Variants in MAP7 observed in about 807,000 individuals in gnomAD.
MAP7 encodes the protein microtubule associated protein 7, also known as ensconsin.
A neutral mutation model predicts 94.8 loss-of-function variants in MAP7; 52 were observed. The observed-to-expected ratio is 0.55, with a 90% confidence interval of 0.44 to 0.69. The LOEUF is 0.69. Ranked by LOEUF, MAP7 falls within the 30% of genes least tolerant of loss-of-function variation. MAP7 has a pLI of 0.00. For synonymous variants in MAP7, 350 were observed against 357.0 expected (o/e 0.98, Z 0.22); for missense variants, 940 against 964.6 (o/e 0.97, Z 0.34).
rs1793123691 is a variant in MAP7, at chr6:136,362,527, T to G, written c.1449A>C (p.Leu483=). ...TTDPEEATRL[L]AEKRRLAREQ... ...CTCGGGCCAGCCGCCTCTTCTCAGC[T>G]AGAAGCCTTGTGGCCTCCTCTGGGT... The change falls in exon 11 of 18, where the codon CTA becomes CTC. Residue 483 remains leucine, a synonymous_variant. Coordinates refer to ENST00000354570, the MANE Select transcript of MAP7 (RefSeq NM_003980.6). 4.3e-6 allele frequency: 7 copies of G among 1,614,208 alleles called. No individual in the cohort carries two copies. In the East Asian group the frequency reaches 1.6e-4, roughly 36 times the overall value.
intron 1 of MAP7, among the ~76,000 whole-genome samples, chr6:136,532,065 T>C (rs2129056545): frequency 6.6e-6 from 1 of 152,030 alleles, no homozygotes; most frequent in Non-Finnish European, 1.5e-5. Flanking sequence ...GAACATATCT[T>C]TTTATATGTA....
chr6:136,372,770 T>C, intron 7 of MAP7, 145 bp from the exon 8 acceptor site: 1 of 955,900 alleles, frequency 1.0e-6, no homozygotes, highest in Non-Finnish European at 1.6e-6. Context: ...AAGAAGATGT[T>C]ATTACCTAAA....
rs372520127 is a variant in MAP7, at chr6:136,489,063, G to A, written c.67+61279C>T. ...CCCACCACATCCAGCTCCGATTTCT[G>A]GTTTTAATAGGCACAGAAAGAGATC... On this transcript the variant is annotated intron_variant, in intron 1 of 17. Coordinates refer to ENST00000354570, the MANE Select transcript of MAP7 (RefSeq NM_003980.6). Among the ~76,000 whole-genome samples the A allele has an allele frequency of 2.6e-5, 4 of 152,076 alleles. No homozygotes were observed. In the East Asian group the frequency reaches 5.8e-4, roughly 22 times the overall value.
At chr6:136,425,553 C>T (rs1054961807) in intron 1 of MAP7, among the ~76,000 whole-genome samples, 1 of 151,980 alleles carries the variant, frequency 6.6e-6, no homozygotes, top group Non-Finnish European at 1.5e-5. Flanking sequence ...GACTGCTGTC[C>T]TTATTATTTT....
chr6:136,398,940 C>G (rs1783289931), intron 3 of MAP7, among the ~76,000 whole-genome samples: 1 of 152,166 alleles, frequency 6.6e-6, no homozygotes, highest in African/African-American at 2.4e-5. Flanking sequence ...TCTGAACAGG[C>G]TTACTTCTGT....
At chr6:136,485,872 T>G (rs1290479424) in intron 1 of MAP7, among the ~76,000 whole-genome samples, 1 of 152,196 alleles carries the variant, frequency 6.6e-6, no homozygotes, top group African/African-American at 2.4e-5. Flanking sequence ...ACTTCAGATT[T>G]TTTAATGCTT....
chr6:136,400,266 A>G (rs1783693619), intron 3 of MAP7, among the ~76,000 whole-genome samples: 1 of 152,120 alleles, frequency 6.6e-6, no homozygotes, highest in Non-Finnish European at 1.5e-5. Context: ...AATACAAAAA[A>G]TTAGCCAGGC....
chr6:136,380,578 C>G (rs1349548047), intron 6 of MAP7, among the ~76,000 whole-genome samples: 2 of 152,180 alleles, frequency 1.3e-5, no homozygotes, highest in Non-Finnish European at 1.5e-5. Flanking sequence ...ATTTTTCTTA[C>G]TCTTTTCCAA....
At chr6:136,444,142 A>C (rs1343094027) in intron 1 of MAP7, among the ~76,000 whole-genome samples, 4 of 152,214 alleles carry the variant, frequency 2.6e-5, no homozygotes, top group African/African-American at 9.6e-5. Context: ...TTTGAAGCCT[A>C]ACCAACATTT....
At chr6:136,494,989 A>G (rs926684262) in intron 1 of MAP7, among the ~76,000 whole-genome samples, 1 of 152,154 alleles carries the variant, frequency 6.6e-6, no homozygotes, top group Admixed American at 6.5e-5. Context: ...TTATAACACT[A>G]AGGTCATCAC....
intron 1 of MAP7, among the ~76,000 whole-genome samples, chr6:136,530,123 A>G (rs1329316945): frequency 6.6e-6 from 1 of 152,248 alleles, no homozygotes; most frequent in East Asian, 1.9e-4. Context: ...CTGCTTAACC[A>G]GTGAGAAACA....
chr6:136,410,663 G>A (rs1327507304), intron 3 of MAP7, among the ~76,000 whole-genome samples: 1 of 152,228 alleles, frequency 6.6e-6, no homozygotes, highest in Non-Finnish European at 1.5e-5. Context: ...AAACAAGTCT[G>A]AGTTGAAAGA....
Position 136,378,349 on chromosome 6 carries a change from G to A in MAP7, c.638-481C>T, listed in dbSNP as rs139894868. Reference sequence around the variant, plus strand: ...ACGAGTTAAATAAAAGACAGAAAGGGGACCCAATAAATTATGCTAGATCTC... The same window carrying A: ...ACGAGTTAAATAAAAGACAGAAAGGAGACCCAATAAATTATGCTAGATCTC... On this transcript the variant is annotated intron_variant, in intron 6 of 17. Coordinates refer to ENST00000354570, the MANE Select transcript of MAP7 (RefSeq NM_003980.6). Among the ~76,000 whole-genome samples the A allele has an allele frequency of 3.7e-3, 568 of 152,196 alleles. 7 individuals are homozygous for A. The highest frequency in any genetic ancestry group is 0.013 in the African/African-American group (543 of 41,510).
chr6:136,367,363 T>G (rs1294174875), intron 8 of MAP7, among the ~76,000 whole-genome samples: 1 of 152,234 alleles, frequency 6.6e-6, no homozygotes, highest in African/African-American at 2.4e-5. Flanking sequence ...GAGGGCAGAC[T>G]GCAAGCGTAC....
intron 1 of MAP7, among the ~76,000 whole-genome samples, chr6:136,472,948 T>C (rs1415255564): frequency 6.6e-6 from 1 of 152,228 alleles, no homozygotes; most frequent in African/African-American, 2.4e-5. Context: ...CTGCAATTTC[T>C]TTCCATCTAC....
At chr6:136,417,477 T>C (rs1176604444) in intron 2 of MAP7, among the ~76,000 whole-genome samples, 1 of 152,270 alleles carries the variant, frequency 6.6e-6, no homozygotes, top group Non-Finnish European at 1.5e-5. Context: ...TTGACTCATA[T>C]GTAACAACTA....
intron 1 of MAP7, among the ~76,000 whole-genome samples, chr6:136,459,286 G>A (rs1804384186): frequency 6.6e-6 from 1 of 152,002 alleles, no homozygotes; most frequent in Non-Finnish European, 1.5e-5. Context: ...TGGAGGAACT[G>A]GTACCCTTGT....
At chr6:136,473,916 A>G (rs1310852592) in intron 1 of MAP7, among the ~76,000 whole-genome samples, 2 of 152,118 alleles carry the variant, frequency 1.3e-5, no homozygotes, top group Non-Finnish European at 2.9e-5. Context: ...ATGAAGACAG[A>G]TAATATATGA....
chr6:136,492,022 T>C (rs551247532), intron 1 of MAP7, among the ~76,000 whole-genome samples: 87 of 152,354 alleles, frequency 5.7e-4, no homozygotes, highest in African/African-American at 2.0e-3. Flanking sequence ...CATGAGTTTA[T>C]ATTCCAAAAG....
Sources: allele counts gnomAD v4.1 joint callset (sites outside exome capture counted in the v4.1 genomes callset), GRCh38; gene constraint gnomAD v4.1.1; transcripts MANE v1.5; gene names NCBI Gene and HGNC (gene_info 2026-07-23, HGNC 2026-07-21).